Variants in CCSER1 observed in about 807,000 individuals in gnomAD.
The protein encoded by CCSER1 is serine-rich coiled-coil domain-containing protein 1.
In CCSER1, 41 loss-of-function variants were observed where a neutral mutation model predicts 82.0. That is an observed-to-expected ratio of 0.50 (90% CI 0.39 to 0.65). The LOEUF is 0.65. Among genes scored for constraint, CCSER1 ranks in the 30% least tolerant of loss-of-function variants. CCSER1 has a pLI of 0.00. For synonymous variants in CCSER1, 414 were observed against 383.9 expected (o/e 1.08, Z -0.92); for missense variants, 1,119 against 1,064.2 (o/e 1.05, Z -0.72).
intron 5 of CCSER1, among the ~76,000 whole-genome samples, chr4:90,564,784 T>C (rs1378373244): frequency 6.6e-6 from 1 of 152,192 alleles, no homozygotes; most frequent in Non-Finnish European, 1.5e-5. Context: ...GACACTGTTC[T>C]TTCCCTCTTG....
chr4:90,979,621 G>T (rs1441740459), intron 9 of CCSER1, among the ~76,000 whole-genome samples: 2 of 151,648 alleles, frequency 1.3e-5, no homozygotes, highest in African/African-American at 2.4e-5. Context: ...TCCATCTGCC[G>T]CCATATGACT....
intron 1 of CCSER1, among the ~76,000 whole-genome samples, chr4:90,168,282 A>C (rs1041892533): frequency 2.0e-5 from 3 of 152,090 alleles, no homozygotes; most frequent in Non-Finnish European, 4.4e-5. Context: ...TCTTTTGAGA[A>C]GTGTCTGTTC....
intron 9 of CCSER1, among the ~76,000 whole-genome samples, chr4:91,021,221 C>T (rs930228550): frequency 1.3e-5 from 2 of 151,992 alleles, no homozygotes; most frequent in Non-Finnish European, 2.9e-5. Context: ...CTTTCTTCTT[C>T]AATGACTTCT....
chr4:90,161,508 T>C (rs932227398), intron 1 of CCSER1, among the ~76,000 whole-genome samples: 1 of 152,088 alleles, frequency 6.6e-6, no homozygotes, highest in African/African-American at 2.4e-5. Flanking sequence ...TTTAAAACTA[T>C]TAACCATTAA....
intron 9 of CCSER1, among the ~76,000 whole-genome samples, chr4:91,080,781 A>G (rs1722621466): frequency 1.3e-5 from 2 of 152,228 alleles, no homozygotes; most frequent in Non-Finnish European, 2.9e-5. Context: ...AGAGAATACT[A>G]TAAACACCTC....
At chr4:90,574,876 G>A (rs1780567886) in intron 5 of CCSER1, among the ~76,000 whole-genome samples, 2 of 151,976 alleles carry the variant, frequency 1.3e-5, no homozygotes, top group African/African-American at 4.8e-5. Flanking sequence ...TTTAATGTCT[G>A]ATGAATGTTT....
rs776065065 is a variant in CCSER1 at position 90,591,806 on chromosome 4, C to T, written c.1725-36219C>T. Among the ~76,000 whole-genome samples the T allele has an allele frequency of 1.3e-4, 19 of 151,962 alleles. 1 individual carries two copies. The highest frequency in any genetic ancestry group is 4.2e-4 in the South Asian group (2 of 4,818). ...ACCCAAATCCCCATCAGTGATAGACCGGATAAAGAAAATGTGGCACATATA... is the reference window on the plus strand; with the variant it reads ...ACCCAAATCCCCATCAGTGATAGACTGGATAAAGAAAATGTGGCACATATA... On this transcript the variant is annotated intron_variant, in intron 5 of 10. Transcript: ENST00000509176.
intron 10 of CCSER1, among the ~76,000 whole-genome samples, chr4:91,277,650 C>A (rs1560561562): frequency 1.3e-5 from 2 of 148,946 alleles, no homozygotes; most frequent in African/African-American, 4.9e-5. Context: ...TTCATTGATC[C>A]TTTATATATA....
At chr4:90,600,664 A>C (rs1783929891) in intron 5 of CCSER1, among the ~76,000 whole-genome samples, 1 of 151,822 alleles carries the variant, frequency 6.6e-6, no homozygotes. Context: ...AGTCCTTCAA[A>C]TCTATGATTT....
chr4:90,129,990 T>G lies in CCSER1; in HGVS notation c.-42+2159T>G, dbSNP rs7340971. Among the ~76,000 whole-genome samples the G allele has an allele frequency of 2.1e-3, 320 of 152,354 alleles. 4 individuals are homozygous for G. Among genetic ancestry groups the G allele is most frequent in the African/African-American group, 6.6e-3 (275 of 41,588 alleles). On this transcript the variant is annotated intron_variant, in intron 1 of 10. Transcript: ENST00000509176. ...TTAAAAGTCCTATTTATGAGTATTT[T>G]GTTTTTTGACAGTTAAGAGAATCAG...
chr4:90,768,897 C>T (rs1187906399), intron 7 of CCSER1, among the ~76,000 whole-genome samples: 2 of 152,134 alleles, frequency 1.3e-5, no homozygotes, highest in African/African-American at 2.4e-5. Context: ...GGAGCCAGTA[C>T]TTGTGATGGC....
At chr4:91,558,697 G>C (rs1213976554) in intron 10 of CCSER1, among the ~76,000 whole-genome samples, 1 of 151,520 alleles carries the variant, frequency 6.6e-6, no homozygotes, top group African/African-American at 2.4e-5. Context: ...AAGAAGCAAA[G>C]TTGGAAACCC....
In CCSER1 at chr4:90,602,616, T is replaced by C. The variant is rs1397237406; in HGVS notation, c.1725-25409T>C. Among the ~76,000 whole-genome samples, 3 of 152,198 alleles carry C rather than the reference T, an allele frequency of 2.0e-5. No homozygotes were observed. In the East Asian group the frequency reaches 5.8e-4, roughly 29 times the overall value. The stretch of plus-strand genomic sequence containing the variant: ...ACTGCCAGGCTACATTTCCACATTT[T>C]CATGGATTTGACCAATAAAGAATAA... On this transcript the variant is annotated intron_variant, in intron 5 of 10. Transcript: ENST00000509176.
intron 1 of CCSER1, among the ~76,000 whole-genome samples, chr4:90,275,859 C>T (rs190055297): frequency 2.0e-4 from 30 of 152,090 alleles, no homozygotes; most frequent in Admixed American, 1.4e-3. Flanking sequence ...GTAAGGTTAA[C>T]GAAATTCAGC....
chr4:90,142,570 A>G (rs575407749), intron 1 of CCSER1, among the ~76,000 whole-genome samples: 7 of 152,028 alleles, frequency 4.6e-5, no homozygotes, highest in South Asian at 4.2e-4. Context: ...TGCAAAATAT[A>G]CTAATACAGG....
chr4:91,127,434 C>T (rs1727614828), intron 10 of CCSER1, among the ~76,000 whole-genome samples: 1 of 151,898 alleles, frequency 6.6e-6, no homozygotes, highest in Non-Finnish European at 1.5e-5. Flanking sequence ...TCAGAAAGGC[C>T]ACAAGCTTAA....
chr4:91,181,238 CTT>C (rs1468641132), intron 10 of CCSER1, among the ~76,000 whole-genome samples: 1 of 152,220 alleles, frequency 6.6e-6, no homozygotes, highest in Admixed American at 6.5e-5. Context: ...GCAAAGGCAA[CTT>C]TGTCACAGTG....
At chr4:90,941,804 T>A (rs1286438669) in intron 9 of CCSER1, among the ~76,000 whole-genome samples, 3 of 152,206 alleles carry the variant, frequency 2.0e-5, no homozygotes, top group Non-Finnish European at 4.4e-5. Flanking sequence ...ATTTGCTATA[T>A]TTACTTGAAA....
chr4:91,316,653 C>A (rs1195669771), intron 10 of CCSER1, among the ~76,000 whole-genome samples: 1 of 151,930 alleles, frequency 6.6e-6, no homozygotes, highest in Non-Finnish European at 1.5e-5. Flanking sequence ...TCTATTGCTA[C>A]TTGCTGGGAA....
Sources: gnomAD v4.1 joint callset for allele counts (sites outside exome capture counted in the v4.1 genomes callset) on GRCh38, gnomAD v4.1.1 for gene constraint, MANE v1.5 for transcripts, NCBI Gene and HGNC (gene_info 2026-07-23, HGNC 2026-07-21) for gene names.